Variants in PTGES observed in about 807,000 individuals in gnomAD.
The protein encoded by PTGES is MGST1-like 1.
In PTGES, 3 loss-of-function variants were observed where a neutral mutation model predicts 11.8. The observed-to-expected ratio is 0.25, with a 90% confidence interval of 0.12 to 0.66. PTGES has a LOEUF of 0.66. Ranked by LOEUF, PTGES falls within the 30% of genes least tolerant of loss-of-function variation. The pLI is 0.82. For missense variants in PTGES, 180 were observed against 213.0 expected, an observed-to-expected ratio of 0.85 and a Z score of 0.96; for synonymous variants, 94 against 90.4, an observed-to-expected ratio of 1.04 and a Z score of -0.22.
intron 2 of PTGES, among the ~76,000 whole-genome samples, chr9:129,744,568 T>A (rs1833032235): frequency 4.0e-5 from 3 of 75,164 alleles, no homozygotes; most frequent in Middle Eastern, 0.014. Flanking sequence ...CAAGACCCTG[T>A]CACAAAAAAA....
chr9:129,742,896 T>C (rs1254858895), intron 2 of PTGES, among the ~76,000 whole-genome samples: 2 of 149,836 alleles, frequency 1.3e-5, no homozygotes, highest in Non-Finnish European at 3.0e-5. Flanking sequence ...AGTAAGTCAA[T>C]GTTTGGAAAG....
chr9:129,751,662 GA>G (rs148894936), intron 1 of PTGES, among the ~76,000 whole-genome samples: 4 of 147,198 alleles, frequency 2.7e-5, no homozygotes, highest in Non-Finnish European at 3.0e-5. Context: ...CTGGACAGCA[GA>G]AAAAAAAAAC....
chr9:129,742,339 A>AC (rs1332339727), intron 2 of PTGES, among the ~76,000 whole-genome samples: 3 of 150,498 alleles, frequency 2.0e-5, no homozygotes, highest in Admixed American at 6.6e-5. Flanking sequence ...AAAAAAAAAA[A>AC]AAAAAAAAAA....
In PTGES at chr9:129,748,654, C is replaced by T; in HGVS notation, c.209+1G>A. 5 of 1,573,974 alleles carry T rather than the reference C, an allele frequency of 3.2e-6. No individual in the cohort carries two copies. The highest frequency in any genetic ancestry group is 2.0e-5 in the Admixed American group (1 of 50,614). ...CCAGGCCAGGGGCCCGAAGTACTTGCCTGAGGCAGCGTTCCACGTCGGGGT... is the reference window on the plus strand; with the variant it reads ...CCAGGCCAGGGGCCCGAAGTACTTGTCTGAGGCAGCGTTCCACGTCGGGGT... On this transcript the variant is annotated splice_donor_variant, in intron 2 of 2. Transcript: ENST00000340607. LOFTEE classifies it high-confidence loss of function.
At chr9:129,741,636 A>C (rs1339763911) in intron 2 of PTGES, among the ~76,000 whole-genome samples, 1 of 152,152 alleles carries the variant, frequency 6.6e-6, no homozygotes, top group Non-Finnish European at 1.5e-5. Flanking sequence ...GGGAGATTAC[A>C]GACTCACGCC....
chr9:129,748,530 G>A, intron 2 of PTGES, 125 bp downstream of exon 2: 4 of 677,596 alleles, frequency 5.9e-6, no homozygotes, highest in Non-Finnish European at 4.6e-6. Flanking sequence ...AAAACAGTCA[G>A]AGAAGATCAG....
Position 129,739,662 on chromosome 9 carries a change from G to A in PTGES, c.408C>T (p.Pro136=), listed in dbSNP as rs1254969543. 3.2e-6 allele frequency: 5 copies of A among 1,556,562 alleles called. No individual in the cohort carries two copies. The African/African-American group carries it at 4.1e-5, about 13-fold the overall frequency. ...GGATCTGCAGAGCCATGGAGGCGCAGGGGAGCTGGGCCAGGGTGTAGGTCA... is the reference window on the plus strand; with the variant it reads ...GGATCTGCAGAGCCATGGAGGCGCAAGGGAGCTGGGCCAGGGTGTAGGTCA... ...RSVTYTLAQL[P]CASMALQILW... Residue 136 remains proline (P), a synonymous_variant, in exon 3 of 3, where the codon CCC becomes CCT. Coordinates refer to ENST00000340607, the MANE Select transcript of PTGES (RefSeq NM_004878.5). The surrounding 1 kb of genome is among the most constrained non-coding windows in gnomAD (Gnocchi z 5.7).
At chr9:129,750,963 G>A (rs781018273) in intron 1 of PTGES, among the ~76,000 whole-genome samples, 59 of 152,140 alleles carry the variant, frequency 3.9e-4, no homozygotes, top group Admixed American at 5.2e-4. Context: ...TTCCTTCTGC[G>A]GTGTCCCTGC....
At chr9:129,742,827 G>A (rs914920760) in intron 2 of PTGES, among the ~76,000 whole-genome samples, 15 of 151,508 alleles carry the variant, frequency 9.9e-5, no homozygotes, top group Admixed American at 5.3e-4. Context: ...AGCCAACATC[G>A]CGCCACTGCA....
chr9:129,752,586 G>T (rs1007831118), intron 1 of PTGES, among the ~76,000 whole-genome samples: 7 of 152,234 alleles, frequency 4.6e-5, no homozygotes, highest in African/African-American at 1.7e-4. Context: ...GTGCTGTCAC[G>T]CTCCCACACT....
chr9:129,744,834 G>A (rs539850900), intron 2 of PTGES, among the ~76,000 whole-genome samples: 8 of 149,736 alleles, frequency 5.3e-5, no homozygotes, highest in East Asian at 2.0e-4. Flanking sequence ...CCGAAACCAC[G>A]CTATTGCACT....
chr9:129,745,024 A>G lies in PTGES; in HGVS notation c.209+3631T>C, dbSNP rs936586496. ...CTCTCTGGGACTGCGTTCACTATGT[A>G]CAAAATGTACATGCTGGATGACATC... is the stretch of plus-strand genomic sequence containing the variant. On this transcript the variant is annotated intron_variant, in intron 2 of 2. Coordinates refer to ENST00000340607, the MANE Select transcript of PTGES (RefSeq NM_004878.5). The surrounding 1 kb of genome is among the most constrained non-coding windows in gnomAD (Gnocchi z 4.2). Among the ~76,000 whole-genome samples the G allele has an allele frequency of 6.6e-6, 1 of 152,088 alleles. No homozygotes were observed. The highest frequency in any genetic ancestry group is 6.6e-5 in the Admixed American group (1 of 15,246).
chr9:129,740,748 G>A (rs1832986912), intron 2 of PTGES, among the ~76,000 whole-genome samples: 1 of 152,140 alleles, frequency 6.6e-6, no homozygotes, highest in South Asian at 2.1e-4. Flanking sequence ...GAAGGGTGGG[G>A]AGGTTGAGTC....
At chr9:129,752,842 GAAGC>G (rs778722606) in intron 1 of PTGES, 41 bp downstream of exon 1, 2 of 1,613,512 alleles carry the variant, frequency 1.2e-6, no homozygotes, top group Non-Finnish European at 1.7e-6. Context: ...GACGTGGAGA[GAAGC>G]AAGTATGACC....
chr9:129,752,367 G>A (rs998084358), intron 1 of PTGES, among the ~76,000 whole-genome samples: 7 of 152,312 alleles, frequency 4.6e-5, no homozygotes, highest in East Asian at 1.9e-4. Flanking sequence ...TCAGGGGCTC[G>A]GATTAGTGGG....
chr9:129,747,424 T>G lies in PTGES; in HGVS notation c.209+1231A>C, dbSNP rs146482979. On this transcript the variant is annotated intron_variant, in intron 2 of 2. Coordinates refer to ENST00000340607, the MANE Select transcript of PTGES (RefSeq NM_004878.5). ...TTTTTTCAGTATTACCCAAATCGTC[T>G]GTAATGAGTTCTGATTTTTATAATG... Among the ~76,000 whole-genome samples the G allele has an allele frequency of 2.4e-4, 37 of 152,368 alleles. No homozygotes were observed. In the East Asian group the frequency reaches 7.1e-3, roughly 29 times the overall value.
chr9:129,741,742 C>T (rs563341100), intron 2 of PTGES, among the ~76,000 whole-genome samples: 5 of 152,150 alleles, frequency 3.3e-5, no homozygotes, highest in African/African-American at 1.2e-4. Flanking sequence ...CCTGTCTCTA[C>T]TAAAAATACA....
At position 129,739,821 on chromosome 9, in the gene PTGES, A is replaced by G; in HGVS notation, c.249T>C (p.Leu83=). 3 of 1,570,586 alleles carry G rather than the reference A, an allele frequency of 1.9e-6. No homozygotes were observed. Among genetic ancestry groups the G allele is most frequent in the Non-Finnish European group, 2.6e-6 (3 of 1,157,490 alleles). ...RNDMETIYPF[L]FLGFVYSFLG... ...GAAAGGAGTAGACGAAGCCCAGGAAAAGGAAGGGGTAGATGGTCTCCATGT... is the reference window on the plus strand; with the variant it reads ...GAAAGGAGTAGACGAAGCCCAGGAAGAGGAAGGGGTAGATGGTCTCCATGT... The change falls in exon 3 of 3, where the codon CTT becomes CTC. Residue 83 remains leucine, a synonymous_variant. Transcript: ENST00000340607. The surrounding 1 kb of genome is among the most constrained non-coding windows in gnomAD (Gnocchi z 5.7).
rs560326707 is a variant in PTGES at position 129,747,120 on chromosome 9, C to T, written c.209+1535G>A. Among the ~76,000 whole-genome samples, 270 of 134,696 alleles carry T rather than the reference C, an allele frequency of 2.0e-3. 1 individual carries two copies. The highest frequency in any genetic ancestry group is 7.6e-3 in the African/African-American group (260 of 34,220). 88.4% of individuals were successfully genotyped at this position (134,696 alleles called of 152,430 possible). Reference sequence around the variant, plus strand: ...TGGAGACAGGGTCTCGCCATGTTGGCCAGGCCTGACCTCAAGTGATCTGCC... The same window carrying T: ...TGGAGACAGGGTCTCGCCATGTTGGTCAGGCCTGACCTCAAGTGATCTGCC... On this transcript the variant is annotated intron_variant, in intron 2 of 2. Transcript: ENST00000340607.
Sources: gnomAD v4.1 joint callset for allele counts (sites outside exome capture counted in the v4.1 genomes callset) on GRCh38, gnomAD v4.1.1 for gene constraint, Gnocchi (gnomAD v3.1) non-coding constraint, MANE v1.5 for transcripts, NCBI Gene and HGNC (gene_info 2026-07-23, HGNC 2026-07-21) for gene names.